The following TEN1 variants were observed in gnomAD, a reference collection of about 807,000 sequenced individuals.
The protein encoded by TEN1 is TEN1 subunit of CST complex.
TEN1 carries 6 observed loss-of-function variants against 9.3 expected under a neutral mutation model. The observed-to-expected ratio is 0.65, with a 90% confidence interval of 0.35 to 1.27. The LOEUF is 1.27. Among genes scored for constraint, TEN1 ranks in the 50% most tolerant of loss-of-function variants. The pLI is 0.03. For synonymous variants in TEN1, 65 were observed against 65.6 expected (o/e 0.99, Z 0.04); for missense variants, 149 against 158.2 (o/e 0.94, Z 0.31).
At chr17:75,980,799 T>A (rs565050781) in intron 1 of TEN1, among the ~76,000 whole-genome samples, 1 of 152,312 alleles carries the variant, frequency 6.6e-6, no homozygotes, top group South Asian at 2.1e-4. Context: ...CATTCATAAT[T>A]TGAATAATAG....
chr17:75,982,500 A>T (rs992953219), intron 1 of TEN1, among the ~76,000 whole-genome samples: 40 of 152,198 alleles, frequency 2.6e-4, no homozygotes, highest in Non-Finnish European at 5.4e-4. Context: ...TCATGATTAG[A>T]TTCAGATGAT....
At chr17:75,999,934 T>G (rs2066243250) in intron 3 of TEN1, among the ~76,000 whole-genome samples, 1 of 152,092 alleles carries the variant, frequency 6.6e-6, no homozygotes, top group African/African-American at 2.4e-5. Context: ...ACCTGCTAAG[T>G]TCCAGACACG....
At chr17:75,999,893 C>G (rs1194792433) in intron 3 of TEN1, among the ~76,000 whole-genome samples, 10 of 152,124 alleles carry the variant, frequency 6.6e-5, no homozygotes, top group Admixed American at 6.6e-4. Context: ...CCAAGGGGGC[C>G]TTTCCCTCAG....
intron 1 of TEN1, among the ~76,000 whole-genome samples, chr17:75,979,825 G>A (rs560770274): frequency 1.5e-4 from 23 of 151,756 alleles, no homozygotes; most frequent in Non-Finnish European, 2.5e-4. Context: ...TGGCAGAGGC[G>A]TGGGTTCCGG....
chr17:75,991,706 C>G (rs188696204), intron 3 of TEN1, 83 bp downstream of exon 3: 2 of 1,168,960 alleles, frequency 1.7e-6, no homozygotes, highest in South Asian at 1.5e-5. Flanking sequence ...GAAATGGGCT[C>G]GTGACCCAAC....
intron 2 of TEN1, among the ~76,000 whole-genome samples, chr17:75,989,662 C>T (rs1424368077): frequency 3.3e-5 from 5 of 152,090 alleles, no homozygotes; most frequent in African/African-American, 9.7e-5. Context: ...ATCTGTCTGC[C>T]TCAGCCTACC....
chr17:75,979,782 A>G (rs2066102116), intron 1 of TEN1, among the ~76,000 whole-genome samples: 2 of 151,874 alleles, frequency 1.3e-5, no homozygotes, highest in Admixed American at 1.3e-4. Context: ...GAGAGGCTCC[A>G]GTTACCTTTT....
In TEN1 at chr17:76,000,223, G is replaced by A; in HGVS notation, c.333G>A (p.Glu111=). 6.4e-7 allele frequency: 1 copy of A among 1,551,456 alleles called. No individual in the cohort carries two copies. The highest frequency in any genetic ancestry group is 1.2e-5 in the South Asian group (1 of 84,054). ...CCTTGTTGGAACAAGCCATCCGGGA[G>A]CAGAGACTGTACAAGCAGGAGCGGG... ...NLPLLEQAIR[E]QRLYKQERGG... is the part of the protein sequence containing the mutation. Residue 111 remains glutamate (E), a synonymous_variant, in exon 4 of 4, where the codon GAG becomes GAA. Transcript: ENST00000397640. This position sits in a 1 kb window ranked among gnomAD's most constrained non-coding sequence, Gnocchi z 5.9.
intron 3 of TEN1, among the ~76,000 whole-genome samples, chr17:75,996,786 G>C (rs889720307): frequency 6.6e-6 from 1 of 151,922 alleles, no homozygotes; most frequent in African/African-American, 2.4e-5. Context: ...GAGAAAGGGA[G>C]GGAGGGAAAC....
intron 2 of TEN1, among the ~76,000 whole-genome samples, chr17:75,987,700 T>A (rs1325007854): frequency 2.0e-5 from 3 of 151,898 alleles, no homozygotes; most frequent in Non-Finnish European, 2.9e-5. Flanking sequence ...GCGGATCACC[T>A]GAGGTCAGGA....
chr17:75,991,162 A>AAG (rs1555621596), intron 2 of TEN1, among the ~76,000 whole-genome samples: 8 of 150,672 alleles, frequency 5.3e-5, no homozygotes, highest in African/African-American at 1.5e-4. Flanking sequence ...AAAAAAAAAA[A>AAG]AAAAAAGAAA....
At position 76,000,335 on chromosome 17, in the gene TEN1, GCACAGA is replaced by G. The variant is rs2066247143; in HGVS notation, c.*75_*80del. ...TCTGGAGCTGCAGGAGCCCGGGAGA[GCACAGA>G]CGCCTCCCCAGCGACGGCCTTGTCT... On this transcript the variant is annotated 3_prime_UTR_variant, in exon 4 of 4. Coordinates refer to ENST00000397640, the MANE Select transcript of TEN1 (RefSeq NM_001113324.3). The surrounding 1 kb of genome is among the most constrained non-coding windows in gnomAD (Gnocchi z 5.9). The G allele has an allele frequency of 6.4e-5, 95 of 1,480,374 alleles. No individual in the cohort carries two copies. Among genetic ancestry groups the G allele is most frequent in the Non-Finnish European group, 8.3e-5 (92 of 1,109,016 alleles). The allele number at this position is 1,480,374 out of a possible 1,614,324, so 91.7% of individuals were successfully genotyped here. A position where few individuals can be genotyped will look rare whatever the true frequency, so the allele number is the denominator to read the frequency against.
intron 3 of TEN1, among the ~76,000 whole-genome samples, chr17:75,992,046 C>CAAA (rs11309442): frequency 1.8e-4 from 10 of 54,130 alleles, no homozygotes; most frequent in Admixed American, 3.8e-4. Flanking sequence ...GACTCCGTCT[C>CAAA]AAAAAAAAAA....
chr17:75,988,936 AATTTTTTTT>A (rs1275656319), intron 2 of TEN1, among the ~76,000 whole-genome samples: 2 of 151,296 alleles, frequency 1.3e-5, no homozygotes, highest in Non-Finnish European at 2.9e-5. Flanking sequence ...ACACCCGGCT[AATTTTTTTT>A]ATTTTTTAGT....
chr17:75,999,333 CCT>C (rs2066238083), intron 3 of TEN1, among the ~76,000 whole-genome samples: 1 of 151,926 alleles, frequency 6.6e-6, no homozygotes, highest in Admixed American at 6.6e-5. Flanking sequence ...AGAGCAACAC[CCT>C]GTCTCAAAAA....
intron 2 of TEN1, among the ~76,000 whole-genome samples, chr17:75,987,462 A>G (rs537821840): frequency 1.3e-5 from 2 of 152,346 alleles, no homozygotes. Context: ...AGTGTCTTTC[A>G]TGACTTAGCT....
At chr17:75,990,071 A>G (rs1944326223) in intron 2 of TEN1, among the ~76,000 whole-genome samples, 1 of 145,408 alleles carries the variant, frequency 6.9e-6, no homozygotes, top group South Asian at 2.2e-4. Flanking sequence ...TTTGAGACGG[A>G]GTCTTGCTCT....
intron 2 of TEN1, among the ~76,000 whole-genome samples, chr17:75,989,528 C>T (rs537482760): frequency 6.6e-6 from 1 of 152,082 alleles, no homozygotes; most frequent in South Asian, 2.1e-4. Context: ...TCTCCTGTCT[C>T]AGCCTCCCAA....
At chr17:75,982,163 T>C (rs1450178129) in intron 1 of TEN1, among the ~76,000 whole-genome samples, 2 of 151,904 alleles carry the variant, frequency 1.3e-5, no homozygotes, top group African/African-American at 2.4e-5. Flanking sequence ...CCAGAGAGGG[T>C]CCTCCCCCAC....
Sources: allele counts gnomAD v4.1 joint callset (sites outside exome capture counted in the v4.1 genomes callset), GRCh38; gene constraint gnomAD v4.1.1; non-coding constraint Gnocchi (gnomAD v3.1); transcripts MANE v1.5; gene names NCBI Gene and HGNC (gene_info 2026-07-23, HGNC 2026-07-21).